The following EXOC6 variants were observed in gnomAD, a reference collection of about 807,000 sequenced individuals.
EXOC6 encodes the protein SEC15-like 1.
A neutral mutation model predicts 112.5 loss-of-function variants in EXOC6; 60 were observed. That is an observed-to-expected ratio of 0.53 (90% CI 0.43 to 0.66). EXOC6 has a LOEUF of 0.66. Ranked by LOEUF, EXOC6 falls within the 30% of genes least tolerant of loss-of-function variation. The pLI is 0.00. For synonymous variants in EXOC6, 295 were observed against 308.0 expected, an observed-to-expected ratio of 0.96 and a Z score of 0.44; for missense variants, 855 against 957.1, an observed-to-expected ratio of 0.89 and a Z score of 1.41.
At chr10:92,941,190 T>C (rs1009971674) in intron 13 of EXOC6, among the ~76,000 whole-genome samples, 2 of 152,246 alleles carry the variant, frequency 1.3e-5, no homozygotes, top group African/African-American at 2.4e-5. Context: ...TTTGTTCTTT[T>C]GTGTCTGGAT....
chr10:92,855,926 G>A (rs1218533953), intron 1 of EXOC6, among the ~76,000 whole-genome samples: 2 of 151,924 alleles, frequency 1.3e-5, no homozygotes, highest in East Asian at 1.9e-4. Flanking sequence ...GTGCAGTAGC[G>A]CGATCTTGGC....
At chr10:92,870,528 A>T (rs555441344) in intron 1 of EXOC6, among the ~76,000 whole-genome samples, 5 of 152,226 alleles carry the variant, frequency 3.3e-5, no homozygotes, top group Non-Finnish European at 5.9e-5. Context: ...TCTGTTGGCT[A>T]GTATGCTTTT....
chr10:92,948,665 G>GAAGT (rs1853206915), intron 14 of EXOC6, among the ~76,000 whole-genome samples: 2 of 151,572 alleles, frequency 1.3e-5, no homozygotes, highest in African/African-American at 4.8e-5. Context: ...GGGCCTACTA[G>GAAGT]AAGTAGTTGC....
intron 20 of EXOC6, among the ~76,000 whole-genome samples, chr10:93,056,071 A>G (rs568040047): frequency 6.6e-6 from 1 of 152,334 alleles, no homozygotes; most frequent in Admixed American, 6.5e-5. Flanking sequence ...GAAGGTAGTA[A>G]GTAAAGCATT....
At chr10:93,013,905 A>T (rs955188791) in intron 19 of EXOC6, among the ~76,000 whole-genome samples, 2 of 152,206 alleles carry the variant, frequency 1.3e-5, no homozygotes, top group African/African-American at 4.8e-5. Flanking sequence ...ACTTGATTGA[A>T]GTACGTTACT....
At chr10:92,976,867 T>C (rs1842644664) in intron 18 of EXOC6, among the ~76,000 whole-genome samples, 1 of 152,080 alleles carries the variant, frequency 6.6e-6, no homozygotes, top group Admixed American at 6.5e-5. Flanking sequence ...CAAGGACATT[T>C]GGATATAAAG....
At chr10:92,880,311 A>G (rs560417055) in intron 1 of EXOC6, among the ~76,000 whole-genome samples, 12 of 152,354 alleles carry the variant, frequency 7.9e-5, no homozygotes, top group Admixed American at 3.9e-4. Flanking sequence ...GGCAAGAACA[A>G]AAGTCCATGC....
intron 18 of EXOC6, among the ~76,000 whole-genome samples, chr10:92,996,588 C>T (rs1843502915): frequency 7.1e-6 from 1 of 140,912 alleles, no homozygotes; most frequent in Non-Finnish European, 1.5e-5. Context: ...GCCCTGGCCA[C>T]AGAGTGAGAC....
intron 12 of EXOC6, among the ~76,000 whole-genome samples, chr10:92,940,209 C>T (rs749852744): frequency 1.6e-4 from 24 of 151,912 alleles, no homozygotes; most frequent in Admixed American, 2.6e-4. Flanking sequence ...TGTTTGGTCC[C>T]GATATGGGTA....
intron 12 of EXOC6, 22 bp downstream of exon 12, chr10:92,935,907 A>G (rs751666525): frequency 6.9e-7 from 1 of 1,442,838 alleles, no homozygotes; most frequent in South Asian, 1.2e-5. Context: ...CCTAACAATT[A>G]ATGGTTATTC....
At chr10:92,837,119 C>CACACACAT (rs1265926228) in intron 1 of EXOC6, among the ~76,000 whole-genome samples, 1 of 151,452 alleles carries the variant, frequency 6.6e-6, no homozygotes, top group Non-Finnish European at 1.5e-5. Flanking sequence ...CACACACACA[C>CACACACAT]ACACACACAC....
At chr10:92,973,745 T>C (rs1842387403) in intron 17 of EXOC6, among the ~76,000 whole-genome samples, 1 of 152,224 alleles carries the variant, frequency 6.6e-6, no homozygotes, top group East Asian at 1.9e-4. Context: ...GTTTTTCTAC[T>C]TCTGTTTCTC....
chr10:92,966,419 T>A (rs1346767932), intron 17 of EXOC6, among the ~76,000 whole-genome samples: 14 of 136,582 alleles, frequency 1.0e-4, no homozygotes, highest in Non-Finnish European at 1.4e-4. Context: ...GTATATCTCC[T>A]AATGCTATCC....
At chr10:93,013,486 T>C (rs1844353079) in intron 19 of EXOC6, among the ~76,000 whole-genome samples, 2 of 152,126 alleles carry the variant, frequency 1.3e-5, no homozygotes, top group Non-Finnish European at 2.9e-5. Context: ...CATGCGCCTG[T>C]AGTCCCAGCT....
At chr10:92,855,347 C>T (rs1847549318) in intron 1 of EXOC6, among the ~76,000 whole-genome samples, 5 of 152,122 alleles carry the variant, frequency 3.3e-5, no homozygotes, top group Admixed American at 3.3e-4. Flanking sequence ...CAGGCATGTT[C>T]CACCATGCCC....
chr10:92,971,672 A>G (rs940481952), intron 17 of EXOC6, among the ~76,000 whole-genome samples: 3 of 152,088 alleles, frequency 2.0e-5, no homozygotes, highest in Non-Finnish European at 4.4e-5. Flanking sequence ...CACTTATTGT[A>G]CTTTTTAATA....
At chr10:92,842,363 A>G (rs1344897307) in intron 1 of EXOC6, among the ~76,000 whole-genome samples, 1 of 53,104 alleles carries the variant, frequency 1.9e-5, no homozygotes, top group Non-Finnish European at 4.1e-5. Context: ...TGTCTCAGAA[A>G]AAAAAAAAAA....
chr10:93,043,236 C>T (rs1845864648), intron 20 of EXOC6, among the ~76,000 whole-genome samples: 1 of 152,154 alleles, frequency 6.6e-6, no homozygotes, highest in Non-Finnish European at 1.5e-5. Context: ...CGCCCAGCTA[C>T]AATTATTCTT....
chr10:92,920,114 T>C (rs1008976965), intron 8 of EXOC6, 64 bp downstream of exon 8: 4 of 1,057,260 alleles, frequency 3.8e-6, no homozygotes, highest in Non-Finnish European at 5.4e-6. Flanking sequence ...GTATGTATTT[T>C]AGGCCCTAAA....
Sources: gnomAD v4.1 joint callset for allele counts (sites outside exome capture counted in the v4.1 genomes callset) on GRCh38, gnomAD v4.1.1 for gene constraint, MANE v1.5 for transcripts, NCBI Gene and HGNC (gene_info 2026-07-23, HGNC 2026-07-21) for gene names.